The following LHFPL6 variants were observed in gnomAD, a reference collection of about 807,000 sequenced individuals.
LHFPL6 encodes the protein LHFPL tetraspan subfamily member 6 protein.
LHFPL6 carries 9 observed loss-of-function variants against 20.6 expected under a neutral mutation model. The observed-to-expected ratio is 0.44, with a 90% confidence interval of 0.26 to 0.76. The LOEUF is 0.76. Among genes scored for constraint, LHFPL6 ranks in the 30% least tolerant of loss-of-function variants. The probability of loss-of-function intolerance (pLI) is 0.20; values close to 1 mark genes in which losing one functional copy is unlikely to be tolerated. For missense variants in LHFPL6, 218 were observed against 253.5 expected (o/e 0.86, Z 0.95); for synonymous variants, 105 against 98.7 (o/e 1.06, Z -0.38).
At chr13:39,490,367 A>C (rs897947676) in intron 2 of LHFPL6, among the ~76,000 whole-genome samples, 1 of 152,236 alleles carries the variant, frequency 6.6e-6, no homozygotes, top group Non-Finnish European at 1.5e-5. Flanking sequence ...AGCAGGGTAG[A>C]TAAAAATCAT....
intron 2 of LHFPL6, among the ~76,000 whole-genome samples, chr13:39,423,826 A>C (rs992693628): frequency 1.3e-5 from 2 of 152,204 alleles, no homozygotes; most frequent in Non-Finnish European, 2.9e-5. Context: ...GCTTTTATCA[A>C]AGCAACATGG....
intron 2 of LHFPL6, among the ~76,000 whole-genome samples, chr13:39,593,625 A>C (rs1872679314): frequency 2.0e-5 from 3 of 152,190 alleles, no homozygotes; most frequent in Non-Finnish European, 4.4e-5. Flanking sequence ...TTTAAAGTTC[A>C]TATGGAACCA....
chr13:39,537,959 C>G lies in LHFPL6; in HGVS notation c.385+62873G>C, dbSNP rs144633808. Among the ~76,000 whole-genome samples, 288 of 151,156 alleles carry G rather than the reference C, an allele frequency of 1.9e-3. 1 individual carries two copies. The highest frequency in any genetic ancestry group is 3.1e-3 in the Non-Finnish European group (208 of 67,852). On this transcript the variant is annotated intron_variant, in intron 2 of 3. Transcript: ENST00000379589. ...AACTTCTAGCTCTTTACTTCTCATA[C>G]CCTGAATGCCATTTTTCTTTCTTTC...
intron 2 of LHFPL6, among the ~76,000 whole-genome samples, chr13:39,394,871 A>G (rs1469205672): frequency 6.6e-6 from 1 of 152,190 alleles, no homozygotes; most frequent in Non-Finnish European, 1.5e-5. Flanking sequence ...GCTCGGTCCA[A>G]AGCATTTTCT....
At chr13:39,421,076 A>G (rs1163399362) in intron 2 of LHFPL6, among the ~76,000 whole-genome samples, 1 of 146,658 alleles carries the variant, frequency 6.8e-6, no homozygotes, top group Non-Finnish European at 1.5e-5. Context: ...GCAATATCCA[A>G]TATCTGTCTA....
At chr13:39,373,380 T>C (rs1320954781) in intron 3 of LHFPL6, among the ~76,000 whole-genome samples, 1 of 152,144 alleles carries the variant, frequency 6.6e-6, no homozygotes, top group Non-Finnish European at 1.5e-5. Flanking sequence ...CCCTTAGGCA[T>C]AGGATCCCTT....
chr13:39,430,843 C>T (rs529705134), intron 2 of LHFPL6, among the ~76,000 whole-genome samples: 6 of 152,278 alleles, frequency 3.9e-5, no homozygotes, highest in South Asian at 2.1e-4. Flanking sequence ...GCAGGACATG[C>T]GCAGGATCAA....
intron 2 of LHFPL6, among the ~76,000 whole-genome samples, chr13:39,388,965 C>T (rs771163007): frequency 2.0e-5 from 3 of 152,134 alleles, no homozygotes; most frequent in Non-Finnish European, 2.9e-5. Context: ...ACTCATTGTG[C>T]GATCCTCTCA....
At chr13:39,527,021 C>T (rs1210901262) in intron 2 of LHFPL6, among the ~76,000 whole-genome samples, 1 of 152,164 alleles carries the variant, frequency 6.6e-6, no homozygotes, top group African/African-American at 2.4e-5. Context: ...AATGGTACTA[C>T]AGGTTTTGCA....
chr13:39,533,620 A>G (rs888081533), intron 2 of LHFPL6, among the ~76,000 whole-genome samples: 37 of 152,172 alleles, frequency 2.4e-4, no homozygotes, highest in African/African-American at 8.9e-4. Context: ...TGGCAAACAT[A>G]TAACCAAGTG....
intron 2 of LHFPL6, among the ~76,000 whole-genome samples, chr13:39,447,591 A>G (rs1487674266): frequency 6.6e-6 from 1 of 152,186 alleles, no homozygotes; most frequent in East Asian, 1.9e-4. Context: ...TGAAAGAGGA[A>G]TTCCCTTTTG....
At chr13:39,517,284 C>T (rs1265699490) in intron 2 of LHFPL6, among the ~76,000 whole-genome samples, 2 of 152,156 alleles carry the variant, frequency 1.3e-5, no homozygotes, top group African/African-American at 4.8e-5. Flanking sequence ...AGACACCACA[C>T]GTTAAGCCAG....
At chr13:39,572,877 C>G (rs367658243) in intron 2 of LHFPL6, among the ~76,000 whole-genome samples, 96 of 152,276 alleles carry the variant, frequency 6.3e-4, no homozygotes, top group African/African-American at 2.2e-3. Context: ...TCCAAGTCAG[C>G]CAGTCACATG....
At chr13:39,477,587 G>C (rs1423809121) in intron 2 of LHFPL6, among the ~76,000 whole-genome samples, 1 of 152,102 alleles carries the variant, frequency 6.6e-6, no homozygotes, top group African/African-American at 2.4e-5. Context: ...TGTTAACCAA[G>C]GGGCACTTTT....
chr13:39,419,164 G>C (rs1871420858), intron 2 of LHFPL6, among the ~76,000 whole-genome samples: 2 of 152,110 alleles, frequency 1.3e-5, no homozygotes, highest in South Asian at 4.1e-4. Flanking sequence ...CCCAGAACAG[G>C]CTGCACTCCC....
chr13:39,504,425 G>A (rs1467176903), intron 2 of LHFPL6, among the ~76,000 whole-genome samples: 2 of 152,164 alleles, frequency 1.3e-5, no homozygotes, highest in African/African-American at 4.8e-5. Context: ...GTTTACTAGA[G>A]CTCACATATG....
At chr13:39,369,794 T>C (rs1281306230) in intron 3 of LHFPL6, among the ~76,000 whole-genome samples, 1 of 152,072 alleles carries the variant, frequency 6.6e-6, no homozygotes, top group Non-Finnish European at 1.5e-5. Flanking sequence ...AGTAAGTGAA[T>C]CTATTGAACA....
At chr13:39,572,590 G>T (rs115917001) in intron 2 of LHFPL6, among the ~76,000 whole-genome samples, 1 of 152,116 alleles carries the variant, frequency 6.6e-6, no homozygotes, top group Non-Finnish European at 1.5e-5. Flanking sequence ...AATTTTCTAC[G>T]CAAAGTAGGC....
In LHFPL6 at chr13:39,504,853, T is replaced by C. The variant is rs141490485; in HGVS notation, c.385+95979A>G. ...CCCTACATCTTTGCCTGCTGTCATATATGCTGCCAAAACCGCAGAGGAAAT... is the reference window on the plus strand; with the variant it reads ...CCCTACATCTTTGCCTGCTGTCATACATGCTGCCAAAACCGCAGAGGAAAT... On this transcript the variant is annotated intron_variant, in intron 2 of 3. Transcript: ENST00000379589. 3.1e-3 allele frequency among the ~76,000 whole-genome samples: 473 copies of C among 152,332 alleles called. 1 individual carries two copies. Among genetic ancestry groups the C allele is most frequent in the Non-Finnish European group, 5.0e-3 (342 of 68,036 alleles).
Sources: allele counts gnomAD v4.1 joint callset (sites outside exome capture counted in the v4.1 genomes callset), GRCh38; gene constraint gnomAD v4.1.1; transcripts MANE v1.5; gene names NCBI Gene and HGNC (gene_info 2026-07-23, HGNC 2026-07-21).